Variants in COL18A1 observed in about 807,000 individuals in gnomAD.
COL18A1 encodes the protein collagen alpha-1(XVIII) chain.
COL18A1 carries 133 observed loss-of-function variants against 168.0 expected under a neutral mutation model. That is an observed-to-expected ratio of 0.79 (90% CI 0.69 to 0.91). COL18A1 has a LOEUF of 0.91. Ranked by LOEUF, COL18A1 falls within the 40% of genes least tolerant of loss-of-function variation. COL18A1 has a pLI of 0.00. For missense variants in COL18A1, 2,126 were observed against 1,925.4 expected (o/e 1.10, Z -1.95); for synonymous variants, 949 against 809.0 (o/e 1.17, Z -2.94).
At chr21:45,478,470 A>G (rs2035763267) in intron 9 of COL18A1, 117 bp downstream of exon 9, 1 of 1,369,364 alleles carries the variant, frequency 7.3e-7, no homozygotes, top group South Asian at 1.2e-5. Context: ...CTGTACAGCA[A>G]AACCATTTTG....
intron 2 of COL18A1, among the ~76,000 whole-genome samples, chr21:45,437,822 TCA>T (rs1320161520): frequency 4.5e-5 from 1 of 22,256 alleles, no homozygotes; most frequent in Non-Finnish European, 7.2e-5. Flanking sequence ...CTGCACACAC[TCA>T]CACTCAGACA....
At chr21:45,474,803 G>GACGTGGTCCCACAGC (rs1568899770) in intron 4 of COL18A1, among the ~76,000 whole-genome samples, 1 of 146,948 alleles carries the variant, frequency 6.8e-6, no homozygotes, top group Non-Finnish European at 1.5e-5. Flanking sequence ...AGACACCGTG[G>GACGTGGTCCCACAGC]CTGGACTGTG....
intron 2 of COL18A1, among the ~76,000 whole-genome samples, chr21:45,444,305 C>T (rs906753308): frequency 6.6e-6 from 1 of 151,910 alleles, no homozygotes; most frequent in Non-Finnish European, 1.5e-5. Context: ...AATGAAGGGC[C>T]GTGTGCCCGA....
chr21:45,493,257 C>A, intron 25 of COL18A1, 32 bp downstream of exon 25: 1 of 1,549,916 alleles, frequency 6.5e-7, no homozygotes, highest in Non-Finnish European at 8.7e-7. Flanking sequence ...CCTCAACCCC[C>A]TTTGTGACCC....
chr21:45,406,760 A>G (rs1016172591), intron 2 of COL18A1, among the ~76,000 whole-genome samples: 3 of 152,258 alleles, frequency 2.0e-5, no homozygotes, highest in African/African-American at 7.2e-5. Flanking sequence ...GCCCGAGCTT[A>G]TGAAACGTTA....
intron 32 of COL18A1, among the ~76,000 whole-genome samples, chr21:45,499,256 G>A (rs1236828611): frequency 6.6e-6 from 1 of 151,494 alleles, no homozygotes; most frequent in Non-Finnish European, 1.5e-5. Context: ...CCCGAGCTGT[G>A]TCGGCAGTGG....
rs1248388945 is a variant in COL18A1, at chr21:45,463,279, T to G, written c.107-4963T>G. ...GATGTCTGCAGGACAGGGTCCTTTT[T>G]GCCGTCCTGTTTCCCACAAGCTGTG... On this transcript the variant is annotated intron_variant, in intron 2 of 41. Transcript: ENST00000651438. The surrounding 1 kb of genome is among the most constrained non-coding windows in gnomAD (Gnocchi z 4.0). Among the ~76,000 whole-genome samples the G allele has an allele frequency of 6.6e-6, 1 of 152,230 alleles. No individual in the cohort carries two copies. The highest frequency in any genetic ancestry group is 1.9e-4 in the East Asian group (1 of 5,198).
chr21:45,510,491 G>C (rs2037516185), intron 40 of COL18A1, among the ~76,000 whole-genome samples: 1 of 152,152 alleles, frequency 6.6e-6, no homozygotes, highest in Non-Finnish European at 1.5e-5. Context: ...CATCCCATGA[G>C]GCCCCCCCGT....
intron 15 of COL18A1, among the ~76,000 whole-genome samples, chr21:45,486,261 C>G (rs957504929): frequency 6.7e-6 from 1 of 150,160 alleles, no homozygotes. Flanking sequence ...CTCCCCTTGC[C>G]TGCCGGGGAG....
intron 2 of COL18A1, chr21:45,422,641 A>T (rs1210459374): frequency 2.8e-6 from 1 of 363,264 alleles, no homozygotes; most frequent in Non-Finnish European, 5.6e-6. Context: ...TTGGTGAAAA[A>T]CGGGGCCTCC....
chr21:45,484,430 GCACA>G (rs756672787), intron 15 of COL18A1, among the ~76,000 whole-genome samples: 9 of 127,972 alleles, frequency 7.0e-5, no homozygotes, highest in African/African-American at 1.9e-4. Context: ...GCATATGTGA[GCACA>G]CACACACCTC....
At chr21:45,459,323 G>A (rs1031385661) in intron 2 of COL18A1, among the ~76,000 whole-genome samples, 2 of 151,672 alleles carry the variant, frequency 1.3e-5, no homozygotes, top group African/African-American at 4.9e-5. Context: ...TGACCCCTCG[G>A]GCAGACTTCG....
In COL18A1 at chr21:45,406,086, G is replaced by A. The variant is rs2033098913; in HGVS notation, c.106+613G>A. Among the ~76,000 whole-genome samples, 3 of 152,246 alleles carry A rather than the reference G, an allele frequency of 2.0e-5. No individual in the cohort carries two copies. The South Asian group carries it at 6.2e-4, about 32-fold the overall frequency. ...TGCCCCGCCGGCCTCGCCGCTTCCCGTGCGCGGCAAACGGTGCGCGGGGCC... is the reference window on the plus strand; with the variant it reads ...TGCCCCGCCGGCCTCGCCGCTTCCCATGCGCGGCAAACGGTGCGCGGGGCC... On this transcript the variant is annotated intron_variant, in intron 2 of 41. Transcript: ENST00000651438.
At chr21:45,464,333 C>CTTTT (rs2035131824) in intron 2 of COL18A1, among the ~76,000 whole-genome samples, 1 of 152,058 alleles carries the variant, frequency 6.6e-6, no homozygotes, top group Non-Finnish European at 1.5e-5. Flanking sequence ...AACCTGGGGC[C>CTTTT]AAAAAAGACC....
rs2037688950 is a variant in COL18A1, at chr21:45,512,812, G to C, written c.*414G>C. ...CGTTCTGTGCACAAAACCCAGACCT[G>C]TTAGCAGACAGGCCCCGTGAGGCAA... On this transcript the variant is annotated 3_prime_UTR_variant, in exon 42 of 42. Coordinates refer to ENST00000651438, the MANE Select transcript of COL18A1 (RefSeq NM_001379500.1). 1 of 289,734 alleles carries C rather than the reference G, an allele frequency of 3.5e-6. No homozygotes were observed. Among genetic ancestry groups the C allele is most frequent in the South Asian group, 3.4e-5 (1 of 29,606 alleles). 17.9% of individuals were successfully genotyped at this position (289,734 alleles called of 1,614,324 possible).
chr21:45,506,330 C>A, intron 37 of COL18A1: 1 of 362,294 alleles, frequency 2.8e-6, no homozygotes, highest in Non-Finnish European at 5.4e-6. Flanking sequence ...GGCCACGTGA[C>A]GTCCACAGCA....
intron 29 of COL18A1, chr21:45,495,912 C>T (rs2036522624): frequency 3.2e-6 from 1 of 313,384 alleles, no homozygotes; most frequent in Non-Finnish European, 6.3e-6. Context: ...CTCCCTGGCC[C>T]ATTCCATGAT....
rs773427366 is a variant in COL18A1, at chr21:45,494,887, A to C, written c.2405A>C (p.Lys802Thr). 6.2e-7 allele frequency: 1 copy of C among 1,610,878 alleles called. No individual in the cohort carries two copies. Among genetic ancestry groups the C allele is most frequent in the South Asian group, 1.1e-5 (1 of 90,678 alleles). Residue 802 changes from lysine to threonine, a missense_variant, in exon 28 of 42, where the codon AAG becomes ACG. Lys to Thr is a moderately conservative substitution (Grantham distance 78). Transcript: ENST00000651438. ...GGTCCATACGGACGGCCGGGGTACA[A>C]GGGAGAGATTGGCTTTCCTGGACGG... ...PPGPYGRPGY[K>T]GEIGFPGRPG...
rs1483564460 is a variant in COL18A1, at chr21:45,476,921, T to TTTTGTG, written c.928+442_928+443insTTGTGT. On this transcript the variant is annotated intron_variant, in intron 6 of 41. Coordinates refer to ENST00000651438, the MANE Select transcript of COL18A1 (RefSeq NM_001379500.1). ...ATGTGTGTGATGTGTATTATGTGTT[T>TTTTGTG]TGTGTGTGTGTGTGTGTGTGTGTGT... is the stretch of plus-strand genomic sequence containing the variant. 1.1e-4 allele frequency among the ~76,000 whole-genome samples: 16 copies of TTTTGTG among 146,962 alleles called. No homozygotes were observed. The South Asian group carries it at 2.4e-3, about 22-fold the overall frequency.
Sources: allele counts gnomAD v4.1 joint callset (sites outside exome capture counted in the v4.1 genomes callset), GRCh38; gene constraint gnomAD v4.1.1; non-coding constraint Gnocchi (gnomAD v3.1); transcripts MANE v1.5; gene names NCBI Gene and HGNC (gene_info 2026-07-23, HGNC 2026-07-21).